SDK1: variants seen among roughly 807,000 people sequenced by gnomAD.
SDK1 encodes the protein protein sidekick-1.
Under a neutral mutation model 245.5 loss-of-function variants are expected in SDK1, and 157 were observed. The ratio of observed to expected loss-of-function variants is 0.64; its 90% confidence interval spans 0.56 to 0.73. The LOEUF is 0.73. Ranked by LOEUF, SDK1 falls within the 30% of genes least tolerant of loss-of-function variation. The probability of loss-of-function intolerance (pLI) is 0.00; values close to 1 mark genes in which losing one functional copy is unlikely to be tolerated. For synonymous variants in SDK1, 1,647 were observed against 1,278.5 expected, an observed-to-expected ratio of 1.29 and a Z score of -6.15; for missense variants, 3,583 against 3,002.3, an observed-to-expected ratio of 1.19 and a Z score of -4.52.
intron 1 of SDK1, among the ~76,000 whole-genome samples, chr7:3,398,580 C>G (rs1018327578): frequency 6.6e-6 from 1 of 151,980 alleles, no homozygotes; most frequent in South Asian, 2.1e-4. Context: ...AATACTTTTC[C>G]CCAGATGCAT....
intron 1 of SDK1, among the ~76,000 whole-genome samples, chr7:3,481,023 C>G (rs774510982): frequency 3.9e-5 from 6 of 152,128 alleles, no homozygotes; most frequent in Non-Finnish European, 7.3e-5. Context: ...TTTACCTATT[C>G]TGACAATACT....
At chr7:3,537,132 G>T (rs924516912) in intron 1 of SDK1, among the ~76,000 whole-genome samples, 1 of 152,014 alleles carries the variant, frequency 6.6e-6, no homozygotes, top group Non-Finnish European at 1.5e-5. Flanking sequence ...TCTTAAATCA[G>T]TCCATTCCCT....
At chr7:3,987,463 C>A (rs1281330050) in intron 14 of SDK1, 141 bp downstream of exon 14, 1 of 878,872 alleles carries the variant, frequency 1.1e-6, no homozygotes, top group Non-Finnish European at 1.8e-6. Flanking sequence ...TCAAACACAG[C>A]CTGCCCTTTA....
intron 4 of SDK1, among the ~76,000 whole-genome samples, chr7:3,672,158 T>A (rs1345347323): frequency 6.6e-6 from 1 of 152,000 alleles, no homozygotes; most frequent in African/African-American, 2.4e-5. Context: ...TGGTCTAACC[T>A]GAAGGACTAT....
Position 4,237,656 on chromosome 7 carries a change from A to T in SDK1, c.6002A>T (p.Glu2001Val), listed in dbSNP as rs753914456. 1 of 1,613,950 alleles carries T rather than the reference A, an allele frequency of 6.2e-7. No homozygotes were observed. ...CGTGTCTTTTCCACAGCTCAAGTGG[A>T]AGCCCCATTCTACGAGGAGTGGTGG... is the stretch of plus-strand genomic sequence containing the variant. ...NPSTAVSAQVEAPFYEEWWFL... is the reference protein window; with the variant it reads ...NPSTAVSAQVVAPFYEEWWFL... The change falls in exon 42 of 45, where the codon GAA (glutamate) becomes GTA (valine). Residue 2001 changes from glutamate to valine, a missense_variant. Coordinates refer to ENST00000404826, the MANE Select transcript of SDK1 (RefSeq NM_152744.4).
intron 1 of SDK1, among the ~76,000 whole-genome samples, chr7:3,545,297 G>A (rs1002280120): frequency 6.6e-6 from 1 of 152,056 alleles, no homozygotes; most frequent in South Asian, 2.1e-4. Context: ...AAAAATGGTG[G>A]GGCACACCAA....
chr7:3,362,418 T>C (rs1328911746), intron 1 of SDK1, among the ~76,000 whole-genome samples: 3 of 152,202 alleles, frequency 2.0e-5, no homozygotes, highest in African/African-American at 7.2e-5. Context: ...TTGGTGATTG[T>C]GTTTGATCAT....
chr7:3,361,707 G>A (rs1181051830), intron 1 of SDK1, among the ~76,000 whole-genome samples: 2 of 152,092 alleles, frequency 1.3e-5, no homozygotes, highest in African/African-American at 4.8e-5. Flanking sequence ...ATCACCTTTG[G>A]TCACACGAAA....
chr7:3,374,143 G>C (rs1045428382), intron 1 of SDK1, among the ~76,000 whole-genome samples: 1 of 152,142 alleles, frequency 6.6e-6, no homozygotes, highest in African/African-American at 2.4e-5. Flanking sequence ...ATTTGCTGCA[G>C]TGTGTTTTGC....
At chr7:3,828,605 C>A (rs920014874) in intron 5 of SDK1, among the ~76,000 whole-genome samples, 2 of 150,648 alleles carry the variant, frequency 1.3e-5, no homozygotes, top group African/African-American at 4.9e-5. Context: ...TTGGTTTGCC[C>A]CCGAGTCATA....
intron 13 of SDK1, among the ~76,000 whole-genome samples, chr7:3,986,351 A>G (rs1028276154): frequency 1.3e-5 from 2 of 152,216 alleles, no homozygotes; most frequent in Non-Finnish European, 2.9e-5. Context: ...TAACTCCAGC[A>G]GAAGACATAA....
intron 34 of SDK1, among the ~76,000 whole-genome samples, chr7:4,177,645 C>T (rs557888489): frequency 2.6e-5 from 4 of 152,224 alleles, no homozygotes; most frequent in Non-Finnish European, 5.9e-5. Context: ...TCTCCAACCA[C>T]TTTGACACCA....
intron 19 of SDK1, among the ~76,000 whole-genome samples, chr7:4,060,976 G>A (rs939579492): frequency 2.0e-5 from 3 of 152,080 alleles, no homozygotes; most frequent in Admixed American, 2.0e-4. Context: ...ATTTCAGAGG[G>A]CTCTGTTCTG....
chr7:3,514,831 G>C (rs1304433641), intron 1 of SDK1, among the ~76,000 whole-genome samples: 2 of 152,162 alleles, frequency 1.3e-5, no homozygotes, highest in Non-Finnish European at 2.9e-5. Flanking sequence ...AATGGATATT[G>C]GGCAGTGTAA....
At chr7:3,342,695 G>C (rs923127356) in intron 1 of SDK1, among the ~76,000 whole-genome samples, 8 of 152,116 alleles carry the variant, frequency 5.3e-5, no homozygotes, top group African/African-American at 1.4e-4. Flanking sequence ...TGGTAAGTTA[G>C]AACCAGTTAA....
chr7:3,441,310 G>T (rs1000571301), intron 1 of SDK1, among the ~76,000 whole-genome samples: 2 of 152,066 alleles, frequency 1.3e-5, no homozygotes, highest in African/African-American at 2.4e-5. Context: ...GGCATTGACT[G>T]GGGCCTTTGA....
chr7:3,360,582 CA>C (rs1780924705), intron 1 of SDK1, among the ~76,000 whole-genome samples: 1 of 152,120 alleles, frequency 6.6e-6, no homozygotes, highest in Non-Finnish European at 1.5e-5. Flanking sequence ...ATGAAAGATA[CA>C]AATGTTTCTT....
At chr7:3,481,493 G>C (rs185623217) in intron 1 of SDK1, among the ~76,000 whole-genome samples, 2 of 152,236 alleles carry the variant, frequency 1.3e-5, no homozygotes, top group Non-Finnish European at 2.9e-5. Context: ...TCTTTGGACT[G>C]TTAGTGAGCC....
intron 23 of SDK1, among the ~76,000 whole-genome samples, chr7:4,113,087 G>T (rs1209743808): frequency 3.3e-5 from 5 of 152,146 alleles, no homozygotes; most frequent in African/African-American, 1.2e-4. Context: ...AGGATTACAG[G>T]TGTGAGCCAC....
Sources: gnomAD v4.1 joint callset for allele counts (sites outside exome capture counted in the v4.1 genomes callset) on GRCh38, gnomAD v4.1.1 for gene constraint, MANE v1.5 for transcripts, NCBI Gene and HGNC (gene_info 2026-07-23, HGNC 2026-07-21) for gene names.